The following FILIP1 variants were observed in gnomAD, a reference collection of about 807,000 sequenced individuals.
FILIP1 encodes filamin-A-interacting protein 1.
FILIP1 carries 61 observed loss-of-function variants against 102.1 expected under a neutral mutation model. The observed-to-expected ratio is 0.60, with a 90% CI of 0.49 to 0.74. The LOEUF (loss-of-function observed/expected upper bound fraction) is 0.74. Among genes scored for constraint, FILIP1 ranks in the 30% least tolerant of loss-of-function variants. The pLI, the probability that FILIP1 is intolerant of heterozygous loss-of-function variation, is 0.00. For synonymous variants in FILIP1, 491 were observed against 526.9 expected, an observed-to-expected ratio of 0.93 and a Z score of 0.93; for missense variants, 1,314 against 1,441.2, an observed-to-expected ratio of 0.91 and a Z score of 1.43.
intron 4 of FILIP1, chr6:75,319,695 C>A (rs1224060958): frequency 3.0e-6 from 1 of 331,956 alleles, no homozygotes; most frequent in Non-Finnish European, 5.8e-6. Context: ...CCGGGCGTAG[C>A]GGCGGGCGCC....
At chr6:75,453,907 T>A (rs1778726345) in intron 1 of FILIP1, 3 of 455,470 alleles carry the variant, frequency 6.6e-6, no homozygotes, top group African/African-American at 6.0e-5. Flanking sequence ...ATAACAATGA[T>A]GGTGCCACTA....
intron 1 of FILIP1, among the ~76,000 whole-genome samples, chr6:75,489,993 G>C (rs562642654): frequency 6.6e-6 from 1 of 151,918 alleles, no homozygotes; most frequent in Non-Finnish European, 1.5e-5. Flanking sequence ...AGTTTAAAGA[G>C]GGAAGATTAG....
intron 2 of FILIP1, among the ~76,000 whole-genome samples, chr6:75,392,360 G>T (rs890745603): frequency 6.6e-6 from 1 of 152,050 alleles, no homozygotes; most frequent in Non-Finnish European, 1.5e-5. Flanking sequence ...CAAAGTTTCA[G>T]ATTCAAATCT....
Position 75,463,390 on chromosome 6 carries a change from G to A in FILIP1, c.-7+30024C>T, listed in dbSNP as rs528648784. On this transcript the variant is annotated intron_variant, in intron 1 of 5. Coordinates refer to ENST00000237172, the MANE Select transcript of FILIP1 (RefSeq NM_015687.5). ...GATTACCGTGTTTGTGTGTAGTGGC[G>A]GTAAAACTAAAGAGAAAGAAAAATA... is the stretch of plus-strand genomic sequence containing the variant. Among the ~76,000 whole-genome samples the A allele has an allele frequency of 2.2e-4, 34 of 152,078 alleles. No homozygotes were observed. In the Middle Eastern group the frequency reaches 0.01, roughly 46 times the overall value.
chr6:75,428,927 G>C (rs1777724074), intron 1 of FILIP1, among the ~76,000 whole-genome samples: 1 of 152,116 alleles, frequency 6.6e-6, no homozygotes, highest in Admixed American at 6.5e-5. Context: ...GTCCTGCATA[G>C]CTACATTTAG....
chr6:75,466,564 T>C (rs1276902477), intron 1 of FILIP1, among the ~76,000 whole-genome samples: 1 of 152,350 alleles, frequency 6.6e-6, no homozygotes, highest in African/African-American at 2.4e-5. Context: ...GCACCCAGTA[T>C]GGACCCATAT....
chr6:75,429,353 G>A (rs147623998), intron 1 of FILIP1, among the ~76,000 whole-genome samples: 45 of 152,252 alleles, frequency 3.0e-4, no homozygotes, highest in Non-Finnish European at 5.4e-4. Context: ...TCAAAGAAAC[G>A]TCCTGGAGAG....
intron 1 of FILIP1, among the ~76,000 whole-genome samples, chr6:75,480,245 A>C (rs996758379): frequency 8.1e-5 from 5 of 61,828 alleles, no homozygotes; most frequent in South Asian, 1.0e-3. Flanking sequence ...ATAGATTTGA[A>C]ATCTTTTTTA....
chr6:75,448,608 C>A (rs921003060), intron 1 of FILIP1, among the ~76,000 whole-genome samples: 1 of 152,074 alleles, frequency 6.6e-6, no homozygotes, highest in Non-Finnish European at 1.5e-5. Context: ...ATGCATCCAA[C>A]AAAGAACCAA....
chr6:75,311,831 G>A (rs1170096036), intron 5 of FILIP1, among the ~76,000 whole-genome samples: 4 of 152,152 alleles, frequency 2.6e-5, no homozygotes, highest in Admixed American at 2.0e-4. Context: ...TATGAAGCAC[G>A]TGCTGTCTGC....
chr6:75,451,066 T>C (rs1274344694), intron 1 of FILIP1, among the ~76,000 whole-genome samples: 3 of 151,988 alleles, frequency 2.0e-5, no homozygotes, highest in Non-Finnish European at 4.4e-5. Flanking sequence ...AAGTGTTGGG[T>C]GTCAGGGAGT....
intron 1 of FILIP1, among the ~76,000 whole-genome samples, chr6:75,416,202 T>A (rs1196277330): frequency 2.0e-5 from 3 of 152,048 alleles, no homozygotes; most frequent in Non-Finnish European, 4.4e-5. Flanking sequence ...AAACATTAGG[T>A]TTGTAACACA....
Position 75,315,137 on chromosome 6 carries a change from C to T in FILIP1, c.695G>A (p.Arg232Gln), listed in dbSNP as rs200643558. ...QARKEKENAK[R>Q]LNKLRDELVK... Reference sequence around the variant, plus strand: ...AAGCTCATCTCTTAGTTTATTGAGTCGTTTAGCATTTTCCTTTTCTTTGCG... The same window carrying T: ...AAGCTCATCTCTTAGTTTATTGAGTTGTTTAGCATTTTCCTTTTCTTTGCG... Residue 232 changes from arginine (R) to glutamine (Q), a missense_variant, in exon 5 of 6, where the codon CGA becomes CAA. By Grantham distance (43) the Arg-to-Gln change is conservative. Transcript: ENST00000237172. 113 of 1,599,152 alleles carry T rather than the reference C, an allele frequency of 7.1e-5. No homozygotes were observed. The highest frequency in any genetic ancestry group is 1.7e-4 in the Middle Eastern group (1 of 6,004).
At chr6:75,304,413 G>T (rs1772924731), downstream of FILIP1, among the ~76,000 whole-genome samples, 1 of 152,000 alleles carries the variant, frequency 6.6e-6, no homozygotes, top group Non-Finnish European at 1.5e-5. Context: ...TCTAGGTTTT[G>T]CCATGTCATC....
At chr6:75,427,090 T>G (rs1209344696) in intron 1 of FILIP1, among the ~76,000 whole-genome samples, 2 of 152,102 alleles carry the variant, frequency 1.3e-5, no homozygotes, top group Non-Finnish European at 2.9e-5. Context: ...GAGGAGAGCT[T>G]GGGAGAAGGC....
chr6:75,305,921 G>A (rs543189925), downstream of FILIP1, among the ~76,000 whole-genome samples: 2 of 151,892 alleles, frequency 1.3e-5, no homozygotes, highest in Admixed American at 6.6e-5. Flanking sequence ...ATTTTACTAC[G>A]CAGTACGTTT....
chr6:75,296,283 C>T (rs1772666311), intron 6 of FILIP1, among the ~76,000 whole-genome samples: 1 of 151,274 alleles, frequency 6.6e-6, no homozygotes, highest in African/African-American at 2.4e-5. Context: ...CTAGAAGTAA[C>T]TCTAATCTTC....
chr6:75,321,639 A>G (rs1360586884), intron 4 of FILIP1, among the ~76,000 whole-genome samples: 1 of 152,164 alleles, frequency 6.6e-6, no homozygotes, highest in Non-Finnish European at 1.5e-5. Context: ...CTAAAAATAC[A>G]AAAAATTAGC....
At chr6:75,430,744 T>C (rs924730426) in intron 1 of FILIP1, among the ~76,000 whole-genome samples, 3 of 152,208 alleles carry the variant, frequency 2.0e-5, no homozygotes, top group African/African-American at 7.2e-5. Context: ...CCTGAATAAC[T>C]GCTAAGATCA....
Sources: gnomAD v4.1 joint callset for allele counts (sites outside exome capture counted in the v4.1 genomes callset) on GRCh38, gnomAD v4.1.1 for gene constraint, MANE v1.5 for transcripts, NCBI Gene and HGNC (gene_info 2026-07-23, HGNC 2026-07-21) for gene names.